The following ABCD2 variants were observed in gnomAD, a reference collection of about 807,000 sequenced individuals.
ABCD2 encodes the protein ATP-binding cassette sub-family D member 2.
ABCD2 carries 36 observed loss-of-function variants against 70.9 expected under a neutral mutation model. The observed-to-expected ratio is 0.51, with a 90% CI of 0.39 to 0.67. The LOEUF (loss-of-function observed/expected upper bound fraction) is 0.67. ABCD2 is among the 30% of genes least tolerant of loss of function. The pLI is 0.00. For missense variants in ABCD2, 729 were observed against 890.2 expected, an observed-to-expected ratio of 0.82 and a Z score of 2.30; for synonymous variants, 304 against 306.9, an observed-to-expected ratio of 0.99 and a Z score of 0.10.
intron 8 of ABCD2, among the ~76,000 whole-genome samples, chr12:39,577,255 A>G (rs1003668895): frequency 2.0e-5 from 3 of 152,224 alleles, no homozygotes; most frequent in African/African-American, 7.2e-5. Flanking sequence ...AAATGAACAT[A>G]TTATATTTTA....
intron 6 of ABCD2, among the ~76,000 whole-genome samples, chr12:39,592,897 G>T (rs1941765773): frequency 6.6e-6 from 1 of 152,162 alleles, no homozygotes. Context: ...TTGAGATTAA[G>T]ATATTTAAAA....
intron 2 of ABCD2, among the ~76,000 whole-genome samples, chr12:39,611,434 T>G (rs1331307155): frequency 6.6e-6 from 1 of 152,182 alleles, no homozygotes; most frequent in East Asian, 1.9e-4. Context: ...AGTTTATTCT[T>G]CTACTTTTTT....
intron 8 of ABCD2, 137 bp downstream of exon 8, chr12:39,579,398 A>C (rs1006224348): frequency 4.8e-6 from 3 of 629,858 alleles, no homozygotes; most frequent in Non-Finnish European, 8.4e-6. Flanking sequence ...TGTGAACTCT[A>C]TGCACTAATT....
chr12:39,586,815 G>A (rs11172697), intron 6 of ABCD2, among the ~76,000 whole-genome samples: 15,442 of 152,086 alleles, frequency 0.1, 800 homozygotes, highest in East Asian at 0.16. Context: ...TTTGGGTTTC[G>A]ACCCAGCAAT....
Position 39,605,331 on chromosome 12 carries a change from A to G in ABCD2, c.1237-401T>C, listed in dbSNP as rs866765724. Among the ~76,000 whole-genome samples the G allele has an allele frequency of 1.1e-4, 17 of 152,172 alleles. No homozygotes were observed. In the South Asian group the frequency reaches 1.9e-3, roughly 17 times the overall value. On this transcript the variant is annotated intron_variant, in intron 3 of 9. Transcript: ENST00000308666. ...CTATTTAAAATAGAAGATTTTAAGTAGGAGAAAAGTACCTTTTTGTCCTAT... is the reference window on the plus strand; with the variant it reads ...CTATTTAAAATAGAAGATTTTAAGTGGGAGAAAAGTACCTTTTTGTCCTAT...
the ABCD2 span, among the ~76,000 whole-genome samples, chr12:39,534,799 A>C: frequency 7.3e-6 from 1 of 136,414 alleles, no homozygotes; most frequent in African/African-American, 2.7e-5. Context: ...AGAAAGAAAG[A>C]AAGAAAGAAA....
chr12:39,596,970 G>GT (rs998438540), intron 6 of ABCD2, among the ~76,000 whole-genome samples: 6 of 152,016 alleles, frequency 3.9e-5, no homozygotes, highest in Admixed American at 3.3e-4. Context: ...CTATGCATTG[G>GT]TTTTTTGTTT....
chr12:39,579,753 T>G, intron 7 of ABCD2, 134 bp from the exon 8 acceptor site: 1 of 621,046 alleles, frequency 1.6e-6, no homozygotes, highest in Admixed American at 2.9e-5. Flanking sequence ...GATATATGCT[T>G]GGATAAACTA....
At chr12:39,563,332 C>T (rs1230226896) in intron 9 of ABCD2, among the ~76,000 whole-genome samples, 2 of 152,058 alleles carry the variant, frequency 1.3e-5, no homozygotes, top group East Asian at 3.9e-4. Flanking sequence ...TTTTTGGTTG[C>T]AGTGAGATAT....
the ABCD2 span, among the ~76,000 whole-genome samples, chr12:39,538,252 CT>C: frequency 1.3e-5 from 2 of 151,530 alleles, no homozygotes; most frequent in Non-Finnish European, 2.9e-5. Context: ...TCACTGCAAC[CT>C]CCACCTCCAG....
chr12:39,564,545 G>A (rs182618281), intron 9 of ABCD2, among the ~76,000 whole-genome samples: 2 of 152,150 alleles, frequency 1.3e-5, no homozygotes, highest in African/African-American at 4.8e-5. Flanking sequence ...TGTCAGATGA[G>A]TAGATTGCAA....
At chr12:39,602,684 C>CT in intron 5 of ABCD2, among the ~76,000 whole-genome samples, 1 of 152,176 alleles carries the variant, frequency 6.6e-6, no homozygotes, top group East Asian at 1.9e-4. Flanking sequence ...TTTCACTAGA[C>CT]TGAGTATTTT....
At chr12:39,533,766 A>G in the ABCD2 span, among the ~76,000 whole-genome samples, 1 of 152,344 alleles carries the variant, frequency 6.6e-6, no homozygotes, top group South Asian at 2.1e-4. Context: ...GTCTTGTTTC[A>G]TCGTCCAAGA....
chr12:39,618,984 G>GTT lies in ABCD2; in HGVS notation c.631_632insAA (p.Thr211LysfsTer6), dbSNP rs1566595909. On this transcript the variant is annotated frameshift_variant, in exon 1 of 10. Transcript: ENST00000308666. LOFTEE classifies it high-confidence loss of function. ...TTGGGAGAACATCATAATATCCTCC[G>GTT]TAAGAGATTGGTCAGGGTTTGCCAG... 1 of 1,614,166 alleles carries GTT rather than the reference G, an allele frequency of 6.2e-7. No individual in the cohort carries two copies. The highest frequency in any genetic ancestry group is 1.1e-5 in the South Asian group (1 of 91,084).
intron 9 of ABCD2, among the ~76,000 whole-genome samples, chr12:39,569,361 A>T (rs983050389): frequency 6.6e-6 from 1 of 152,184 alleles, no homozygotes; most frequent in Non-Finnish European, 1.5e-5. Context: ...GCCGTCTTGC[A>T]GTTTGATCTC....
At chr12:39,610,048 T>C (rs933183412) in intron 2 of ABCD2, among the ~76,000 whole-genome samples, 6 of 152,074 alleles carry the variant, frequency 3.9e-5, no homozygotes, top group African/African-American at 1.4e-4. Context: ...AGACAGAAAA[T>C]GCTTCATGGA....
intron 7 of ABCD2, among the ~76,000 whole-genome samples, chr12:39,583,745 C>G (rs1489384320): frequency 8.5e-5 from 13 of 152,064 alleles, no homozygotes; most frequent in Non-Finnish European, 1.8e-4. Flanking sequence ...ATCATTTAGC[C>G]CTATTTAAAA....
intron 9 of ABCD2, among the ~76,000 whole-genome samples, chr12:39,563,723 CCATTAACT>C (rs1414057096): frequency 6.6e-6 from 1 of 151,980 alleles, no homozygotes; most frequent in Non-Finnish European, 1.5e-5. Context: ...TGTGCTGCAC[CCATTAACT>C]CATCATTTAA....
At chr12:39,612,457 C>G (rs951019088) in intron 2 of ABCD2, among the ~76,000 whole-genome samples, 1 of 152,068 alleles carries the variant, frequency 6.6e-6, no homozygotes, top group Non-Finnish European at 1.5e-5. Context: ...AATACTGAGT[C>G]AAAGAAGCTA....
Sources: allele counts gnomAD v4.1 joint callset (sites outside exome capture counted in the v4.1 genomes callset), GRCh38; gene constraint gnomAD v4.1.1; transcripts MANE v1.5; gene names NCBI Gene and HGNC (gene_info 2026-07-23, HGNC 2026-07-21).